ANKS6: variants seen among roughly 807,000 people sequenced by gnomAD.
ANKS6 encodes ankyrin repeat and sterile alpha motif domain containing 6.
In ANKS6, 47 loss-of-function variants were observed where a neutral mutation model predicts 77.9. The observed-to-expected ratio is 0.60, with a 90% CI of 0.48 to 0.77. The LOEUF (loss-of-function observed/expected upper bound fraction) is 0.77, where lower values mean the gene tolerates loss of function less well. ANKS6 is among the 30% of genes least tolerant of loss of function. ANKS6 has a pLI of 0.00. For synonymous variants in ANKS6, 488 were observed against 501.7 expected (o/e 0.97, Z 0.37); for missense variants, 1,150 against 1,159.1 (o/e 0.99, Z 0.11).
At chr9:98,789,986 G>A (rs1564227295) in intron 2 of ANKS6, 118 bp downstream of exon 2, 3 of 1,391,752 alleles carry the variant, frequency 2.2e-6, no homozygotes, top group African/African-American at 1.4e-5. Flanking sequence ...CAGTCTCAGT[G>A]GTCTGCAGGG....
At position 98,736,363 on chromosome 9, in the gene ANKS6, T is replaced by A; in HGVS notation, c.*156A>T. On this transcript the variant is annotated 3_prime_UTR_variant, in exon 15 of 15. Coordinates refer to ENST00000353234, the MANE Select transcript of ANKS6 (RefSeq NM_173551.5). ...TGAAGTTTGTTGCAGCAAGAAGTACTACCAATGAATGCCGTCGACGTGAAG... is the reference window on the plus strand; with the variant it reads ...TGAAGTTTGTTGCAGCAAGAAGTACAACCAATGAATGCCGTCGACGTGAAG... 3 of 1,429,262 alleles carry A rather than the reference T, an allele frequency of 2.1e-6. No individual in the cohort carries two copies. Among genetic ancestry groups the A allele is most frequent in the Non-Finnish European group, 2.7e-6 (3 of 1,095,170 alleles). The allele number at this position is 1,429,262 out of a possible 1,614,324, so 88.5% of individuals were successfully genotyped here.
chr9:98,760,376 G>A (rs1281765803), intron 11 of ANKS6, among the ~76,000 whole-genome samples: 1 of 152,058 alleles, frequency 6.6e-6, no homozygotes, highest in African/African-American at 2.4e-5. Flanking sequence ...GGGGTAGAGT[G>A]AAAGGCTCAA....
rs1831416290 is a variant in ANKS6, at chr9:98,734,998, G to A, written c.*1521C>T. On this transcript the variant is annotated 3_prime_UTR_variant, in exon 15 of 15. Transcript: ENST00000353234. ...GGGCAGTAAGTTAACGACAGCCTCT[G>A]AAAGCCAGCATAGGGGAATGGGCTT... 22 of 985,452 alleles carry A rather than the reference G, an allele frequency of 2.2e-5. No homozygotes were observed. Among genetic ancestry groups the A allele is most frequent in the Non-Finnish European group, 2.4e-5 (20 of 829,944 alleles). 61.0% of individuals were successfully genotyped at this position (985,452 alleles called of 1,614,324 possible). A position where few individuals can be genotyped will look rare whatever the true frequency, so the allele number is the denominator to read the frequency against.
intron 13 of ANKS6, 32 bp from the exon 14 acceptor site, chr9:98,745,707 G>T: frequency 6.5e-7 from 1 of 1,534,628 alleles, no homozygotes; most frequent in Non-Finnish European, 9.0e-7. Context: ...GCCACCATCT[G>T]CTGGATGCCA....
intron 2 of ANKS6, among the ~76,000 whole-genome samples, chr9:98,788,863 G>A (rs1020980919): frequency 6.6e-6 from 1 of 151,990 alleles, no homozygotes; most frequent in African/African-American, 2.4e-5. Context: ...TCCCTCTCTG[G>A]GCCTCAGTTT....
At chr9:98,756,296 T>TCC in intron 12 of ANKS6, 124 bp downstream of exon 12, 1 of 1,035,406 alleles carries the variant, frequency 9.7e-7, no homozygotes, top group Admixed American at 2.9e-5. Flanking sequence ...GACATGTTTG[T>TCC]CGTAAATCTT....
chr9:98,786,358 C>A (rs972124519), intron 2 of ANKS6, among the ~76,000 whole-genome samples: 1 of 148,654 alleles, frequency 6.7e-6, no homozygotes, highest in African/African-American at 2.5e-5. Context: ...GTGGTGAGAT[C>A]TAGGCTCACT....
chr9:98,790,722 T>TTA (rs1834860889), intron 1 of ANKS6, 116 bp from the exon 2 acceptor site: 17 of 1,382,394 alleles, frequency 1.2e-5, no homozygotes, highest in Non-Finnish European at 1.7e-5. Flanking sequence ...ATAAGAGGTC[T>TTA]TATTCTGGCG....
At chr9:98,736,825 GC>G (rs1831527896) in intron 14 of ANKS6, among the ~76,000 whole-genome samples, 1 of 152,116 alleles carries the variant, frequency 6.6e-6, no homozygotes, top group African/African-American at 2.4e-5. Flanking sequence ...CACCATCGCA[GC>G]CTGTCAATGC....
Position 98,784,017 on chromosome 9 carries a change from C to A in ANKS6, c.1048G>T (p.Ala350Ser). The part of the protein sequence containing the change: ...ALVQLLVERH[A>S]DVDKQDSVHG... ...ACGCTGTCCTGCTTGTCAACATCCG[C>A]GTGCCTCTCCACCAGCAGCTGCACC... The change falls in exon 4 of 15, where the codon GCG becomes TCG. Residue 350 changes from alanine to serine, a missense_variant. Coordinates refer to ENST00000353234, the MANE Select transcript of ANKS6 (RefSeq NM_173551.5). 1 of 1,611,122 alleles carries A rather than the reference C, an allele frequency of 6.2e-7. No homozygotes were observed. Among genetic ancestry groups the A allele is most frequent in the South Asian group, 1.1e-5 (1 of 90,338 alleles).
At chr9:98,754,423 C>T (rs1199723624) in intron 12 of ANKS6, among the ~76,000 whole-genome samples, 5 of 151,956 alleles carry the variant, frequency 3.3e-5, no homozygotes, top group Admixed American at 2.6e-4. Flanking sequence ...GGGCGGATCA[C>T]GAGGTCAGGA....
Position 98,784,967 on chromosome 9 carries a change from A to G in ANKS6, c.863-91T>C, listed in dbSNP as rs960771367. On this transcript the variant is annotated intron_variant, in intron 2 of 14. Transcript: ENST00000353234. The stretch of plus-strand genomic sequence containing the variant: ...GTGTAACAACACAGCCTGGCTTTAA[A>G]AAGCATCTAATTCTCAAAAGCAATC... 5 of 1,163,874 alleles carry G rather than the reference A, an allele frequency of 4.3e-6. No homozygotes were observed. In the East Asian group the frequency reaches 9.4e-5, roughly 22 times the overall value. 72.1% of individuals were successfully genotyped at this position (1,163,874 alleles called of 1,614,324 possible).
chr9:98,770,834 T>G, intron 10 of ANKS6, 62 bp downstream of exon 10: 1 of 1,312,520 alleles, frequency 7.6e-7, no homozygotes, highest in Non-Finnish European at 9.8e-7. Context: ...ATCCAGGCAG[T>G]GCACACCCTC....
In ANKS6 at chr9:98,791,667, T is replaced by C. The variant is rs953143141; in HGVS notation, c.360-1061A>G. Among the ~76,000 whole-genome samples, 1 of 152,136 alleles carries C rather than the reference T, an allele frequency of 6.6e-6. No homozygotes were observed. Among genetic ancestry groups the C allele is most frequent in the Non-Finnish European group, 1.5e-5 (1 of 68,018 alleles). ...TTTCGAGACCACAAAGCCACTGTCATGTCTGCATCTGTGAGGCAGCTTTCT... is the reference window on the plus strand; with the variant it reads ...TTTCGAGACCACAAAGCCACTGTCACGTCTGCATCTGTGAGGCAGCTTTCT... On this transcript the variant is annotated intron_variant, in intron 1 of 14. Transcript: ENST00000353234. This position sits in a 1 kb window ranked among gnomAD's most constrained non-coding sequence, Gnocchi z 4.3.
At chr9:98,783,042 C>T (rs1051693651) in intron 4 of ANKS6, among the ~76,000 whole-genome samples, 4 of 150,444 alleles carry the variant, frequency 2.7e-5, no homozygotes, top group East Asian at 2.0e-4. Context: ...GCCATGATCA[C>T]GCTACTGCAC....
At chr9:98,779,262 A>G (rs779033043) in intron 6 of ANKS6, among the ~76,000 whole-genome samples, 15 of 152,200 alleles carry the variant, frequency 9.9e-5, no homozygotes, top group Non-Finnish European at 1.9e-4. Context: ...ATCCAAAGAG[A>G]AAGTCTCAGC....
chr9:98,767,964 G>A, intron 11 of ANKS6, 117 bp downstream of exon 11: 1 of 1,358,614 alleles, frequency 7.4e-7, no homozygotes, highest in Non-Finnish European at 9.8e-7. Context: ...CTGGCTGGAA[G>A]GGGCCTGTCT....
chr9:98,759,048 A>T (rs1832871574), intron 11 of ANKS6, among the ~76,000 whole-genome samples: 1 of 151,768 alleles, frequency 6.6e-6, no homozygotes, highest in Non-Finnish European at 1.5e-5. Flanking sequence ...TTCCTGGTTG[A>T]TTTTGTTTTT....
chr9:98,779,552 T>A (rs963431555), intron 6 of ANKS6, among the ~76,000 whole-genome samples: 3 of 152,260 alleles, frequency 2.0e-5, no homozygotes, highest in Admixed American at 2.0e-4. Flanking sequence ...GAGAGAGAGA[T>A]CTAGTAATAT....
Sources: allele counts gnomAD v4.1 joint callset (sites outside exome capture counted in the v4.1 genomes callset), GRCh38; gene constraint gnomAD v4.1.1; non-coding constraint Gnocchi (gnomAD v3.1); transcripts MANE v1.5; gene names NCBI Gene and HGNC (gene_info 2026-07-23, HGNC 2026-07-21).